The following NALCN variants were observed in gnomAD, a reference collection of about 807,000 sequenced individuals.
The protein encoded by NALCN is sodium leak channel, non-selective.
A neutral mutation model predicts 225.3 loss-of-function variants in NALCN; 111 were observed. The observed-to-expected ratio is 0.49, with a 90% confidence interval of 0.42 to 0.58. The LOEUF (loss-of-function observed/expected upper bound fraction) is 0.58, where lower values mean the gene tolerates loss of function less well. NALCN is among the 20% of genes least tolerant of loss of function. NALCN has a pLI of 0.00. For missense variants in NALCN, 1,378 were observed against 2,202.4 expected (o/e 0.63, Z 7.49); for synonymous variants, 764 against 769.0 (o/e 0.99, Z 0.11).
At chr13:101,397,709 C>T (rs1484138129) in intron 2 of NALCN, among the ~76,000 whole-genome samples, 1 of 151,458 alleles carries the variant, frequency 6.6e-6, no homozygotes, top group Non-Finnish European at 1.5e-5. Flanking sequence ...TATAAATATA[C>T]ACACGACCTA....
At chr13:101,130,978 T>C (rs2036490169) in intron 17 of NALCN, among the ~76,000 whole-genome samples, 1 of 152,190 alleles carries the variant, frequency 6.6e-6, no homozygotes, top group Non-Finnish European at 1.5e-5. Flanking sequence ...TTTGACTTTC[T>C]TCAATTTGTC....
At chr13:101,157,083 C>T (rs1566356702) in intron 15 of NALCN, among the ~76,000 whole-genome samples, 2 of 152,062 alleles carry the variant, frequency 1.3e-5, no homozygotes, top group Non-Finnish European at 2.9e-5. Context: ...ACTCATGTCC[C>T]AGTAACAATC....
rs144944144 is a variant in NALCN, at chr13:101,286,608, G to A, written c.1048-2589C>T. On this transcript the variant is annotated intron_variant, in intron 9 of 43. Transcript: ENST00000251127. ...GAGAATGGGATTCCTCATCGCATAC[G>A]TCACCTAAGCAACTTATTTTGGGCT... Among the ~76,000 whole-genome samples the A allele has an allele frequency of 1.6e-4, 24 of 152,214 alleles. 1 individual carries two copies. In the East Asian group the frequency reaches 4.4e-3, roughly 28 times the overall value.
At chr13:101,160,175 C>G (rs58534978) in intron 15 of NALCN, among the ~76,000 whole-genome samples, 12 of 152,038 alleles carry the variant, frequency 7.9e-5, no homozygotes, top group African/African-American at 2.9e-4. Flanking sequence ...AGGATGGTCT[C>G]GATCTCCTGA....
chr13:101,258,494 G>A lies in NALCN; in HGVS notation c.1215C>T (p.Tyr405=). ...GCCTCCTGAAGTTTTCTCCTTTGTA[G>A]TAGTTGCTAGCCGCCACGATCACGT... ...TVDVIVAASN[Y]YKGENFRRQY... The change falls in exon 11 of 44, where the codon TAC becomes TAT. Residue 405 remains tyrosine, a synonymous_variant. Transcript: ENST00000251127. The A allele has an allele frequency of 6.2e-7, 1 of 1,614,142 alleles. No homozygotes were observed. Among genetic ancestry groups the A allele is most frequent in the Non-Finnish European group, 8.5e-7 (1 of 1,180,014 alleles).
At chr13:101,312,666 C>T (rs988371841) in intron 7 of NALCN, among the ~76,000 whole-genome samples, 4 of 150,158 alleles carry the variant, frequency 2.7e-5, no homozygotes, top group East Asian at 1.9e-4. Flanking sequence ...TGTAGTTGAG[C>T]GGTTTTGAGT....
intron 15 of NALCN, among the ~76,000 whole-genome samples, chr13:101,156,122 TG>T (rs781474594): frequency 6.6e-6 from 1 of 152,306 alleles, no homozygotes; most frequent in Non-Finnish European, 1.5e-5. Context: ...CTTTGGCCAC[TG>T]GGGGCACTTT....
At chr13:101,368,993 GA>G (rs1428320750) in intron 6 of NALCN, 1 of 362,814 alleles carries the variant, frequency 2.8e-6, no homozygotes, top group Non-Finnish European at 5.4e-6. Context: ...GTGTCAGAGT[GA>G]GAGTCTGTCT....
At chr13:101,221,521 G>T (rs184516848) in intron 13 of NALCN, among the ~76,000 whole-genome samples, 1 of 152,112 alleles carries the variant, frequency 6.6e-6, no homozygotes, top group Non-Finnish European at 1.5e-5. Flanking sequence ...CATCTGGACT[G>T]TCCTCCCCTG....
chr13:101,244,989 TAGTTGCCTGG>T (rs1381696421), intron 11 of NALCN, among the ~76,000 whole-genome samples: 2 of 147,972 alleles, frequency 1.4e-5, no homozygotes, highest in South Asian at 2.2e-4. Context: ...CTGCAGAACC[TAGTTGCCTGG>T]AGGGCTCCCA....
intron 1 of NALCN, among the ~76,000 whole-genome samples, chr13:101,412,233 T>C (rs1489869195): frequency 6.6e-6 from 1 of 152,358 alleles, no homozygotes; most frequent in African/African-American, 2.4e-5. Context: ...CTGTGTTCCA[T>C]GCACTGTGAT....
intron 11 of NALCN, among the ~76,000 whole-genome samples, chr13:101,253,813 C>T (rs1272879059): frequency 6.6e-6 from 1 of 152,216 alleles, no homozygotes; most frequent in East Asian, 1.9e-4. Context: ...GTAGTTGAGA[C>T]AGAGAGAGGG....
intron 14 of NALCN, 54 bp downstream of exon 14, chr13:101,191,863 G>A (rs989778619): frequency 6.4e-7 from 1 of 1,561,688 alleles, no homozygotes; most frequent in African/African-American, 1.4e-5. Context: ...ATCTGTTGAT[G>A]TTCATCCCAT....
At chr13:101,196,597 CTG>C (rs758092677) in intron 13 of NALCN, among the ~76,000 whole-genome samples, 89 of 152,136 alleles carry the variant, frequency 5.9e-4, no homozygotes, top group Non-Finnish European at 1.1e-3. Flanking sequence ...GTTTTCTTCT[CTG>C]TGTTTTACTG....
chr13:101,199,476 A>T (rs1469989237), intron 13 of NALCN, among the ~76,000 whole-genome samples: 2 of 151,642 alleles, frequency 1.3e-5, no homozygotes, highest in African/African-American at 2.4e-5. Context: ...GCCATAAAAA[A>T]TGATGAGTTC....
At chr13:101,171,324 A>G (rs2038705334) in intron 15 of NALCN, among the ~76,000 whole-genome samples, 1 of 148,884 alleles carries the variant, frequency 6.7e-6, no homozygotes, top group African/African-American at 2.4e-5. Context: ...ATATACGTAT[A>G]GATATTACAT....
At chr13:101,229,608 T>C in intron 12 of NALCN, 24 bp from the exon 13 acceptor site, 1 of 1,507,260 alleles carries the variant, frequency 6.6e-7, no homozygotes, top group South Asian at 1.3e-5. Flanking sequence ...GAGAAACATT[T>C]ATTTACACAT....
At chr13:101,092,411 G>A (rs958845879) in intron 28 of NALCN, among the ~76,000 whole-genome samples, 8 of 152,144 alleles carry the variant, frequency 5.3e-5, no homozygotes, top group East Asian at 1.9e-4. Flanking sequence ...AATCAGAAAC[G>A]TCGTACTTCC....
intron 3 of NALCN, among the ~76,000 whole-genome samples, chr13:101,380,706 G>A (rs970330520): frequency 6.6e-6 from 1 of 152,108 alleles, no homozygotes; most frequent in South Asian, 2.1e-4. Flanking sequence ...TCCTTGAGAG[G>A]TTTCTGGAAA....
Sources: gnomAD v4.1 joint callset for allele counts (sites outside exome capture counted in the v4.1 genomes callset) on GRCh38, gnomAD v4.1.1 for gene constraint, MANE v1.5 for transcripts, NCBI Gene and HGNC (gene_info 2026-07-23, HGNC 2026-07-21) for gene names.